ZNF180: variants seen among roughly 807,000 people sequenced by gnomAD.
ZNF180 encodes the protein zinc finger protein 180 (HHZ168).
Under a neutral mutation model 11.8 loss-of-function variants are expected in ZNF180, and 11 were observed. That is an observed-to-expected ratio of 0.93 (90% CI 0.59 to 1.55). ZNF180 has a LOEUF of 1.55. ZNF180 is among the 40% of genes most tolerant of loss of function. The pLI, the probability that ZNF180 is intolerant of heterozygous loss-of-function variation, is 0.00. For missense variants in ZNF180, 773 were observed against 781.7 expected (o/e 0.99, Z 0.13); for synonymous variants, 287 against 257.7 (o/e 1.11, Z -1.09).
chr19:44,488,922 G>A (rs1397002152), intron 2 of ZNF180, among the ~76,000 whole-genome samples: 12 of 149,912 alleles, frequency 8.0e-5, no homozygotes, highest in African/African-American at 2.0e-4. Flanking sequence ...CAACCGCCCC[G>A]TCTGAGAAGT....
intron 2 of ZNF180, among the ~76,000 whole-genome samples, chr19:44,485,954 C>T (rs1342289269): frequency 6.6e-6 from 1 of 151,926 alleles, no homozygotes; most frequent in African/African-American, 2.4e-5. Flanking sequence ...AAGTACTTAT[C>T]CTTAGGAAAT....
intron 2 of ZNF180, among the ~76,000 whole-genome samples, chr19:44,491,494 A>G (rs182495560): frequency 3.0e-3 from 453 of 152,366 alleles, no homozygotes; most frequent in African/African-American, 0.01. Context: ...GATAATGTCA[A>G]TGTAATCTAT....
Position 44,476,832 on chromosome 19 carries a change from T to C in ZNF180, c.1568A>G (p.Glu523Gly). 6.2e-7 allele frequency: 1 copy of C among 1,614,088 alleles called. No individual in the cohort carries two copies. The highest frequency in any genetic ancestry group is 8.5e-7 in the Non-Finnish European group (1 of 1,180,000). Reference protein sequence around the residue: ...QRTHTGEKPYECSECGKSFNR... With the variant: ...QRTHTGEKPYGCSECGKSFNR... ...AAAAGATTTTCCACATTCACTACAT[T>C]CATACGGTTTCTCTCCAGTGTGAGT... is the stretch of plus-strand genomic sequence containing the variant. Residue 523 changes from glutamate (E) to glycine (G), a missense_variant, in exon 5 of 5, where the codon GAA becomes GGA. Physicochemically the swap from Glu to Gly is moderately conservative, Grantham distance 98. Coordinates refer to ENST00000592529, the MANE Select transcript of ZNF180 (RefSeq NM_001278509.3).
At chr19:44,496,325 C>T (rs2686777) in intron 2 of ZNF180, among the ~76,000 whole-genome samples, 44,785 of 151,736 alleles carry the variant, frequency 0.3, 7,805 homozygotes, top group South Asian at 0.4. Flanking sequence ...GGCCAATTGT[C>T]AATATTTTTA....
At position 44,476,571 on chromosome 19, in the gene ZNF180, T is replaced by G; in HGVS notation, c.1829A>C (p.Gln610Pro). ...ACTCAAGCTAAATGTTTTTCCACAC[T>G]GATTACATTCAAATGGTTTCTCTCC... ...HTGEKPFECN[Q>P]CGKTFSLSAR... Residue 610 changes from glutamine to proline, a missense_variant, in exon 5 of 5, where the codon CAG (glutamine) becomes CCG (proline). Transcript: ENST00000592529. The G allele has an allele frequency of 6.2e-7, 1 of 1,614,178 alleles. No homozygotes were observed. The highest frequency in any genetic ancestry group is 8.5e-7 in the Non-Finnish European group (1 of 1,179,996).
chr19:44,489,141 G>A (rs1600087508), intron 2 of ZNF180, among the ~76,000 whole-genome samples: 1 of 144,240 alleles, frequency 6.9e-6, no homozygotes, highest in African/African-American at 2.5e-5. Flanking sequence ...CGCCCCGTCC[G>A]GGAGGGAGGT....
In ZNF180 at chr19:44,477,438, GA is replaced by G; in HGVS notation, c.961del (p.Ser321LeufsTer297). On this transcript the variant is annotated frameshift_variant, in exon 5 of 5. Coordinates refer to ENST00000592529, the MANE Select transcript of ZNF180 (RefSeq NM_001278509.3). LOFTEE classifies it low-confidence loss of function (END_TRUNC). ...SSLTQNMRNN[S>X]EEKPFECNQC... ...ATTACATTCAAAAGGTTTCTCTTCA[GA>G]ATTATTTCTCATGTTTTGAGTAAGG... 6.2e-7 allele frequency: 1 copy of G among 1,614,164 alleles called. No homozygotes were observed. Among genetic ancestry groups the G allele is most frequent in the South Asian group, 1.1e-5 (1 of 91,074 alleles).
intron 2 of ZNF180, among the ~76,000 whole-genome samples, chr19:44,491,773 T>C (rs1333014177): frequency 6.6e-6 from 1 of 152,136 alleles, no homozygotes; most frequent in Non-Finnish European, 1.5e-5. Flanking sequence ...GGTGGGAGTT[T>C]CACTATGTTG....
In ZNF180 at chr19:44,477,355, T is replaced by G. The variant is rs1969938250; in HGVS notation, c.1045A>C (p.Thr349Pro). 1 of 1,614,092 alleles carries G rather than the reference T, an allele frequency of 6.2e-7. No homozygotes were observed. The highest frequency in any genetic ancestry group is 8.5e-7 in the Non-Finnish European group (1 of 1,179,990). ...SHLVAHQRTH[T>P]GEKPYECSEC... is the part of the protein sequence containing the mutation. ...CTACATTCATAAGGTTTCTCCCCTG[T>G]GTGAGTTCTCTGATGTGCAACAAGA... The change falls in exon 5 of 5, where the codon ACA becomes CCA. Residue 349 changes from threonine to proline, a missense_variant. Thr to Pro is a conservative substitution (Grantham distance 38, BLOSUM62 -1). Transcript: ENST00000592529.
At chr19:44,489,169 G>A (rs1294149760) in intron 2 of ZNF180, among the ~76,000 whole-genome samples, 10 of 119,972 alleles carry the variant, frequency 8.3e-5, no homozygotes, top group South Asian at 3.4e-4. Context: ...CCAGCCCCCC[G>A]CCGGGCCAGC....
At chr19:44,483,770 T>C (rs1238619960) in intron 3 of ZNF180, among the ~76,000 whole-genome samples, 1 of 152,220 alleles carries the variant, frequency 6.6e-6, no homozygotes, top group East Asian at 1.9e-4. Context: ...AACCAAGGAC[T>C]GTGCTTTATA....
At chr19:44,489,204 G>GC (rs1970352346) in intron 2 of ZNF180, among the ~76,000 whole-genome samples, 1 of 46,576 alleles carries the variant, frequency 2.1e-5, no homozygotes, top group Non-Finnish European at 5.5e-5. Flanking sequence ...GGTGAGGGGC[G>GC]CCTCTGCCCG....
In ZNF180 at chr19:44,495,336, G is replaced by A. The variant is rs914556045; in HGVS notation, c.51+1948C>T. On this transcript the variant is annotated intron_variant, in intron 2 of 4. Coordinates refer to ENST00000592529, the MANE Select transcript of ZNF180 (RefSeq NM_001278509.3). The surrounding 1 kb of genome is among the most constrained non-coding windows in gnomAD (Gnocchi z 4.5). ...CACCCTGCTTAGGCTTTGACTCCCCGGGCTAGGCTGCCCCATCTCTCAGAC... is the reference window on the plus strand; with the variant it reads ...CACCCTGCTTAGGCTTTGACTCCCCAGGCTAGGCTGCCCCATCTCTCAGAC... Among the ~76,000 whole-genome samples, 7 of 151,854 alleles carry A rather than the reference G, an allele frequency of 4.6e-5. No homozygotes were observed. Among genetic ancestry groups the A allele is most frequent in the African/African-American group, 9.7e-5 (4 of 41,302 alleles).
intron 2 of ZNF180, among the ~76,000 whole-genome samples, chr19:44,494,843 A>G (rs1970538181): frequency 1.3e-5 from 2 of 152,226 alleles, no homozygotes; most frequent in South Asian, 4.1e-4. Flanking sequence ...AAAAAATGTA[A>G]CACTAAAGAG....
At chr19:44,490,189 A>T (rs1970416079) in intron 2 of ZNF180, among the ~76,000 whole-genome samples, 1 of 133,226 alleles carries the variant, frequency 7.5e-6, no homozygotes, top group South Asian at 2.8e-4. Flanking sequence ...GGAGGGAGGG[A>T]GGGAGGATGG....
intron 2 of ZNF180, chr19:44,496,672 C>CAAAAAAAA (rs55678572): frequency 3.2e-4 from 23 of 71,596 alleles, no homozygotes; most frequent in Admixed American, 5.0e-4. Flanking sequence ...GACTCTGTCT[C>CAAAAAAAA]AAAAAAAAAA....
At chr19:44,498,774 G>A (rs1247065339) in intron 1 of ZNF180, among the ~76,000 whole-genome samples, 1 of 152,038 alleles carries the variant, frequency 6.6e-6, no homozygotes, top group Non-Finnish European at 1.5e-5. Flanking sequence ...TCCCCAATCT[G>A]CCCAAATGCC....
intron 2 of ZNF180, among the ~76,000 whole-genome samples, chr19:44,489,349 T>C (rs11668213): frequency 0.21 from 29,014 of 137,906 alleles, 2,967 homozygotes; most frequent in East Asian, 0.36. Context: ...TGTGTCTGTG[T>C]AGAAAGAAGT....
In ZNF180 at chr19:44,476,550, A is replaced by T. The variant is rs1487640221; in HGVS notation, c.1850T>A (p.Leu617Ter). 2 of 1,613,788 alleles carry T rather than the reference A, an allele frequency of 1.2e-6. No individual in the cohort carries two copies. Among genetic ancestry groups the T allele is most frequent in the East Asian group, 4.5e-5 (2 of 44,868 alleles). Reference sequence around the variant, plus strand: ...TTGATGCACAATAAGTCGAGCACTCAAGCTAAATGTTTTTCCACACTGATT... The same window carrying T: ...TTGATGCACAATAAGTCGAGCACTCTAGCTAAATGTTTTTCCACACTGATT... ...ECNQCGKTFS[L>*]SARLIVHQRT... Residue 617 changes from leucine to a stop codon, truncating the protein, a stop_gained, in exon 5 of 5, where the codon TTG (leucine) becomes TAG (stop). Transcript: ENST00000592529. LOFTEE classifies it low-confidence loss of function (END_TRUNC).
Sources: allele counts gnomAD v4.1 joint callset (sites outside exome capture counted in the v4.1 genomes callset), GRCh38; gene constraint gnomAD v4.1.1; non-coding constraint Gnocchi (gnomAD v3.1); transcripts MANE v1.5; gene names NCBI Gene and HGNC (gene_info 2026-07-23, HGNC 2026-07-21).